TACC2: variants seen among roughly 807,000 people sequenced by gnomAD.
TACC2 encodes the protein transforming acidic coiled-coil containing protein 2, also known as transforming acidic coiled-coil-containing protein 2.
TACC2 carries 137 observed loss-of-function variants against 227.3 expected under a neutral mutation model. That is an observed-to-expected ratio of 0.60 (90% CI 0.52 to 0.69). The LOEUF (loss-of-function observed/expected upper bound fraction) is 0.69, where lower values mean the gene tolerates loss of function less well. Among genes scored for constraint, TACC2 ranks in the 30% least tolerant of loss-of-function variants. The probability of loss-of-function intolerance (pLI) is 0.00; values close to 1 mark genes in which losing one functional copy is unlikely to be tolerated. For missense variants in TACC2, 3,470 were observed against 3,694.4 expected (o/e 0.94, Z 1.57); for synonymous variants, 1,523 against 1,487.5 (o/e 1.02, Z -0.55).
chr10:122,242,774 A>T (rs1351724689), intron 19 of TACC2, among the ~76,000 whole-genome samples: 1 of 151,930 alleles, frequency 6.6e-6, no homozygotes, highest in Non-Finnish European at 1.5e-5. Context: ...AAAATTAATT[A>T]ATTATTTGCT....
intron 1 of TACC2, among the ~76,000 whole-genome samples, chr10:122,001,411 G>A (rs948480407): frequency 7.9e-5 from 12 of 151,540 alleles, no homozygotes; most frequent in African/African-American, 1.7e-4. Context: ...AGACTTATTC[G>A]CTATCACAAG....
intron 1 of TACC2, among the ~76,000 whole-genome samples, chr10:122,015,712 C>T (rs914890641): frequency 1.3e-5 from 2 of 149,340 alleles, no homozygotes; most frequent in African/African-American, 5.0e-5. Flanking sequence ...GTTAGCCAGG[C>T]ATGGTGGTGC....
At chr10:121,990,785 G>GTTGT (rs945648674) in intron 1 of TACC2, among the ~76,000 whole-genome samples, 22 of 151,968 alleles carry the variant, frequency 1.4e-4, no homozygotes, top group Non-Finnish European at 2.9e-4. Context: ...TTTTGTTGTT[G>GTTGT]TTGTTTGTTT....
intron 8 of TACC2, among the ~76,000 whole-genome samples, chr10:122,198,097 T>C (rs907028124): frequency 7.2e-5 from 11 of 152,230 alleles, no homozygotes; most frequent in African/African-American, 2.4e-5. Context: ...AGATGGTTTT[T>C]CCCCCTGGCA....
At chr10:122,239,937 A>C (rs2095949615) in intron 18 of TACC2, among the ~76,000 whole-genome samples, 1 of 152,242 alleles carries the variant, frequency 6.6e-6, no homozygotes, top group Admixed American at 6.5e-5. Context: ...ATGGGGGTAA[A>C]TAACAGTGCC....
At chr10:122,195,721 G>A (rs1324425242) in intron 8 of TACC2, among the ~76,000 whole-genome samples, 1 of 152,154 alleles carries the variant, frequency 6.6e-6, no homozygotes, top group Non-Finnish European at 1.5e-5. Context: ...GGTGGTTAGT[G>A]GACAGGTGGA....
Position 122,153,603 on chromosome 10 carries a change from G to A in TACC2, c.5834+9897G>A, listed in dbSNP as rs544583275. Among the ~76,000 whole-genome samples, 34 of 152,322 alleles carry A rather than the reference G, an allele frequency of 2.2e-4. No homozygotes were observed. The East Asian group carries it at 6.2e-3, about 28-fold the overall frequency. ...CCTCCTCAGGCCAAAGTGATTTCTT[G>A]TTTTTTCACAAAACAGCCACAGCAG... On this transcript the variant is annotated intron_variant, in intron 7 of 22. Coordinates refer to ENST00000369005, the MANE Select transcript of TACC2 (RefSeq NM_206862.4).
intron 5 of TACC2, among the ~76,000 whole-genome samples, chr10:122,122,423 T>C (rs1383168233): frequency 6.6e-6 from 1 of 152,020 alleles, no homozygotes; most frequent in Non-Finnish European, 1.5e-5. Context: ...ATCATAAAAG[T>C]GGCATTTAAC....
chr10:122,244,833 G>GTC (rs1325869483), intron 19 of TACC2, among the ~76,000 whole-genome samples: 3 of 152,166 alleles, frequency 2.0e-5, no homozygotes, highest in Admixed American at 6.5e-5. Flanking sequence ...CCACACCAGT[G>GTC]TGACATCAGT....
At chr10:122,151,517 A>G (rs1202811234) in intron 7 of TACC2, among the ~76,000 whole-genome samples, 2 of 152,164 alleles carry the variant, frequency 1.3e-5, no homozygotes, top group Non-Finnish European at 2.9e-5. Flanking sequence ...GTGAGCAGCC[A>G]AGGTGGCCAT....
At chr10:122,239,842 A>G (rs1031761355) in intron 18 of TACC2, among the ~76,000 whole-genome samples, 5 of 152,350 alleles carry the variant, frequency 3.3e-5, no homozygotes, top group African/African-American at 1.2e-4. Flanking sequence ...CTCTGGAGCT[A>G]GACTAGGTGA....
At chr10:122,136,856 AT>A (rs932913041) in intron 6 of TACC2, among the ~76,000 whole-genome samples, 1 of 151,934 alleles carries the variant, frequency 6.6e-6, no homozygotes, top group Non-Finnish European at 1.5e-5. Context: ...ACCCAGCAGA[AT>A]TTTTTTTAAT....
At chr10:122,193,595 T>G (rs1050574648) in intron 7 of TACC2, among the ~76,000 whole-genome samples, 1 of 152,346 alleles carries the variant, frequency 6.6e-6, no homozygotes, top group Admixed American at 6.5e-5. Context: ...CTTCACCAGA[T>G]TTGCTTGCTG....
chr10:122,060,043 G>A (rs2076626096), intron 3 of TACC2, among the ~76,000 whole-genome samples: 1 of 152,206 alleles, frequency 6.6e-6, no homozygotes, highest in African/African-American at 2.4e-5. Flanking sequence ...CGTCTGGAAT[G>A]ACAAAAAGGC....
At chr10:121,993,860 C>T (rs1953148873) in intron 1 of TACC2, among the ~76,000 whole-genome samples, 1 of 152,156 alleles carries the variant, frequency 6.6e-6, no homozygotes, top group South Asian at 2.1e-4. Context: ...TCTCAAACTC[C>T]TGAGCTCAAG....
chr10:122,156,814 C>A (rs1386362299), intron 7 of TACC2, among the ~76,000 whole-genome samples: 1 of 152,222 alleles, frequency 6.6e-6, no homozygotes, highest in Non-Finnish European at 1.5e-5. Context: ...CAGCAAGAGA[C>A]TGCCAAAGAC....
chr10:122,211,488 A>G lies in TACC2; in HGVS notation c.7063A>G (p.Lys2355Glu). ...PNFNPFSSTS[K>E]MQESPKLPQQ... Reference sequence around the variant, plus strand: ...TTTTAACCCTTTTTCTTCCACCTCAAAAATGCAGGAGTCTCCCAAACTGCC... The same window carrying G: ...TTTTAACCCTTTTTCTTCCACCTCAGAAATGCAGGAGTCTCCCAAACTGCC... Residue 2355 changes from lysine (K) to glutamate (E), a missense_variant, in exon 9 of 23, where the codon AAA (lysine) becomes GAA (glutamate). Transcript: ENST00000369005. 6.2e-7 allele frequency: 1 copy of G among 1,614,026 alleles called. No individual in the cohort carries two copies. The highest frequency in any genetic ancestry group is 8.5e-7 in the Non-Finnish European group (1 of 1,180,004).
chr10:122,006,361 A>G (rs1955138143), intron 1 of TACC2, among the ~76,000 whole-genome samples: 1 of 152,156 alleles, frequency 6.6e-6, no homozygotes, highest in Non-Finnish European at 1.5e-5. Context: ...AGGCAGGAGA[A>G]TGGTGTGAAC....
At chr10:122,003,236 T>G (rs1954643765) in intron 1 of TACC2, among the ~76,000 whole-genome samples, 1 of 152,168 alleles carries the variant, frequency 6.6e-6, no homozygotes, top group Non-Finnish European at 1.5e-5. Context: ...GATTTTGATT[T>G]GTTCATTAAT....
Sources: gnomAD v4.1 joint callset for allele counts (sites outside exome capture counted in the v4.1 genomes callset) on GRCh38, gnomAD v4.1.1 for gene constraint, MANE v1.5 for transcripts, NCBI Gene and HGNC (gene_info 2026-07-23, HGNC 2026-07-21) for gene names.